INTS2: variants seen among roughly 807,000 people sequenced by gnomAD.
INTS2 encodes KIAA1287.
In INTS2, 57 loss-of-function variants were observed where a neutral mutation model predicts 139.6. That is an observed-to-expected ratio of 0.41 (90% CI 0.33 to 0.51). The LOEUF is 0.51. INTS2 is among the 20% of genes least tolerant of loss of function. The probability of loss-of-function intolerance (pLI) is 0.28; values close to 1 mark genes in which losing one functional copy is unlikely to be tolerated. For synonymous variants in INTS2, 473 were observed against 493.4 expected (o/e 0.96, Z 0.55); for missense variants, 1,196 against 1,436.7 (o/e 0.83, Z 2.71).
In INTS2 at chr17:61,926,449, G is replaced by A. The variant is rs1327260889; in HGVS notation, c.196C>T (p.Leu66Phe). 5 of 1,613,992 alleles carry A rather than the reference G, an allele frequency of 3.1e-6. No homozygotes were observed. Among genetic ancestry groups the A allele is most frequent in the Non-Finnish European group, 3.4e-6 (4 of 1,179,860 alleles). ...TTGACAGCTTCCACTCCAGAAAGAA[G>A]GCGAAGGATGAGTTTCTTATCCTGA... is the stretch of plus-strand genomic sequence containing the variant. ...WAQDKKLILR[L>F]LSGVEAVNSI... Residue 66 changes from leucine to phenylalanine, a missense_variant, in exon 2 of 25, where the codon CTT becomes TTT. Coordinates refer to ENST00000251334, the MANE Select transcript of INTS2 (RefSeq NM_001351695.2).
In INTS2 at chr17:61,921,821, C is replaced by G; in HGVS notation, c.439G>C (p.Glu147Gln). The change falls in exon 4 of 25, where the codon GAG becomes CAG. Residue 147 changes from glutamate to glutamine, a missense_variant. Physicochemically the swap from Glu to Gln is conservative, Grantham distance 29. This residue lies in a region of INTS2 where 1,129 missense variants were observed against 1,341.9 expected (regional missense o/e 0.84). Coordinates refer to ENST00000251334, the MANE Select transcript of INTS2 (RefSeq NM_001351695.2). ...TTGAAAAAAAATTCTCCGTTGGACT[C>G]AGACACCTTAAAAAAGAAAAAAAAA... ...ELLAIMNKVS[E>Q]SNGEFFFKSS... The G allele has an allele frequency of 6.5e-7, 1 of 1,546,618 alleles. No homozygotes were observed.
intron 15 of INTS2, among the ~76,000 whole-genome samples, chr17:61,888,233 G>C (rs1200755041): frequency 1.3e-5 from 2 of 151,878 alleles, no homozygotes; most frequent in African/African-American, 4.8e-5. Flanking sequence ...AGCCAGGCAT[G>C]GTGGTGTCCA....
At chr17:61,884,555 AT>A (rs956366893) in intron 16 of INTS2, among the ~76,000 whole-genome samples, 103 of 148,940 alleles carry the variant, frequency 6.9e-4, no homozygotes, top group Admixed American at 1.7e-3. Flanking sequence ...AGTTAAAAAA[AT>A]TTTTTTTTTT....
rs553179349 is a variant in INTS2, at chr17:61,873,423, G to A, written c.2583-963C>T. 2.6e-5 allele frequency among the ~76,000 whole-genome samples: 4 copies of A among 152,180 alleles called. No individual in the cohort carries two copies. Among genetic ancestry groups the A allele is most frequent in the African/African-American group, 7.2e-5 (3 of 41,536 alleles). ...AAAAAAGGTTCACAAGTTGTTAAGTGAAAAATCCGAGCTACAAAAACATTA... is the reference window on the plus strand; with the variant it reads ...AAAAAAGGTTCACAAGTTGTTAAGTAAAAAATCCGAGCTACAAAAACATTA... On this transcript the variant is annotated intron_variant, in intron 19 of 24. Transcript: ENST00000251334. The surrounding 1 kb of genome is among the most constrained non-coding windows in gnomAD (Gnocchi z 4.0).
At chr17:61,894,847 A>C (rs1198936244) in intron 12 of INTS2, among the ~76,000 whole-genome samples, 2 of 152,154 alleles carry the variant, frequency 1.3e-5, no homozygotes, top group Non-Finnish European at 2.9e-5. Flanking sequence ...GATAAAAAAA[A>C]AAAAGAAATG....
Position 61,872,818 on chromosome 17 carries a change from A to G in INTS2, c.2583-358T>C, listed in dbSNP as rs2145902298. On this transcript the variant is annotated intron_variant, in intron 19 of 24. Transcript: ENST00000251334. The surrounding 1 kb of genome is among the most constrained non-coding windows in gnomAD (Gnocchi z 4.8). ...TAGATAAAGAGCTCTTTAAGTCAAT[A>G]AAAAATATAGGCTAAAATATAAAGA... Among the ~76,000 whole-genome samples the G allele has an allele frequency of 6.6e-6, 1 of 152,328 alleles. No individual in the cohort carries two copies. The highest frequency in any genetic ancestry group is 2.1e-4 in the South Asian group (1 of 4,826).
rs971887552 is a variant in INTS2 at position 61,872,050 on chromosome 17, A to T, written c.2778+215T>A. On this transcript the variant is annotated intron_variant, in intron 20 of 24. Coordinates refer to ENST00000251334, the MANE Select transcript of INTS2 (RefSeq NM_001351695.2). The surrounding 1 kb of genome is among the most constrained non-coding windows in gnomAD (Gnocchi z 4.8). ...TAAATCTTATTTAAATGGCTATTTCATTCATATCATGAAGATTATTCCTGA... is the reference window on the plus strand; with the variant it reads ...TAAATCTTATTTAAATGGCTATTTCTTTCATATCATGAAGATTATTCCTGA... 2.5e-5 allele frequency: 10 copies of T among 393,994 alleles called. No homozygotes were observed. The highest frequency in any genetic ancestry group is 4.5e-5 in the Non-Finnish European group (10 of 222,936). The allele number at this position is 393,994 out of a possible 1,614,324, so 24.4% of individuals were successfully genotyped here. A position where few individuals can be genotyped will look rare whatever the true frequency, so the allele number is the denominator to read the frequency against.
intron 16 of INTS2, among the ~76,000 whole-genome samples, 192 bp from the exon 17 acceptor site, chr17:61,881,363 G>A (rs1000343646): frequency 6.6e-6 from 1 of 152,104 alleles, no homozygotes; most frequent in Non-Finnish European, 1.5e-5. Flanking sequence ...TTGGGAAGCC[G>A]AGGCGGGTGG....
chr17:61,917,787 G>A lies in INTS2; in HGVS notation c.649+1613C>T, dbSNP rs547194899. Among the ~76,000 whole-genome samples, 7 of 151,516 alleles carry A rather than the reference G, an allele frequency of 4.6e-5. No homozygotes were observed. The South Asian group carries it at 1.2e-3, about 27-fold the overall frequency. On this transcript the variant is annotated intron_variant, in intron 5 of 24. Coordinates refer to ENST00000251334, the MANE Select transcript of INTS2 (RefSeq NM_001351695.2). The stretch of plus-strand genomic sequence containing the variant: ...CCCCCTGAATCTAAAATAAAACTTC[G>A]AATTTTTTTAAAAAGAAAAATTAAA...
At chr17:61,912,214 A>C in intron 5 of INTS2, 144 bp from the exon 6 acceptor site, 2 of 782,954 alleles carry the variant, frequency 2.6e-6, no homozygotes, top group South Asian at 3.5e-5. Flanking sequence ...AAGAGACTTA[A>C]AAAAGAATAG....
At position 61,867,549 on chromosome 17, in the gene INTS2, A is replaced by G; in HGVS notation, c.*8T>C. On this transcript the variant is annotated 3_prime_UTR_variant, in exon 25 of 25. Coordinates refer to ENST00000251334, the MANE Select transcript of INTS2 (RefSeq NM_001351695.2). The surrounding 1 kb of genome is among the most constrained non-coding windows in gnomAD (Gnocchi z 5.6). ...AGCAAACAACTTTTTGTTGTTTTAAATTTTGTTTTAAATTCCACTAACACT... is the reference window on the plus strand; with the variant it reads ...AGCAAACAACTTTTTGTTGTTTTAAGTTTTGTTTTAAATTCCACTAACACT... 6.3e-7 allele frequency: 1 copy of G among 1,576,140 alleles called. No homozygotes were observed. The highest frequency in any genetic ancestry group is 1.4e-5 in the African/African-American group (1 of 73,352).
At position 61,927,794 on chromosome 17, in the gene INTS2, C is replaced by T. The variant is rs976350785; in HGVS notation, c.-159G>A. ...CCCAAACCCTAGTTGTGCCTCGAGT[C>T]GACTCGGACACCAAGAACTCAGACG... On this transcript the variant is annotated 5_prime_UTR_variant, in exon 1 of 25. Transcript: ENST00000251334. 48 of 1,600,702 alleles carry T rather than the reference C, an allele frequency of 3.0e-5. No homozygotes were observed. The highest frequency in any genetic ancestry group is 4.0e-5 in the Non-Finnish European group (47 of 1,172,998).
intron 4 of INTS2, among the ~76,000 whole-genome samples, chr17:61,920,784 C>G (rs1318711681): frequency 6.6e-6 from 1 of 151,898 alleles, no homozygotes; most frequent in African/African-American, 2.4e-5. Flanking sequence ...GCCTGGGTGA[C>G]AGAGTGAGAC....
chr17:61,926,235 T>C, intron 2 of INTS2, 117 bp downstream of exon 2: 1 of 806,916 alleles, frequency 1.2e-6, no homozygotes, highest in Non-Finnish European at 2.0e-6. Flanking sequence ...AAGACCTAAG[T>C]AAAATGCTCT....
rs759570437 is a variant in INTS2 at position 61,912,573 on chromosome 17, G to A, written c.650-503C>T. Among the ~76,000 whole-genome samples the A allele has an allele frequency of 2.4e-4, 37 of 152,092 alleles. 1 individual carries two copies. The highest frequency in any genetic ancestry group is 4.0e-4 in the Non-Finnish European group (27 of 68,002). On this transcript the variant is annotated intron_variant, in intron 5 of 24. Coordinates refer to ENST00000251334, the MANE Select transcript of INTS2 (RefSeq NM_001351695.2). ...GGAGGTGGAGGTTGCAGTGAGCCAA[G>A]ATCGCATCATTACACTCCAGCCTGG...
Position 61,897,581 on chromosome 17 carries a change from G to A in INTS2, c.1382C>T (p.Thr461Ile), listed in dbSNP as rs534462998. ...MIKEEAYFES[T>I]SGVSASFGEM... ...CCCAAAAGAAGCAGAGACGCCTGAA[G>A]TACTGTCAAAACAAAATAGGAAATA... The change falls in exon 11 of 25, where the codon ACT (threonine) becomes ATT (isoleucine). Residue 461 changes from threonine to isoleucine, a missense_variant and splice_region_variant. Thr to Ile is a moderately conservative substitution (Grantham distance 89, BLOSUM62 -1). Coordinates refer to ENST00000251334, the MANE Select transcript of INTS2 (RefSeq NM_001351695.2). The surrounding 1 kb of genome is among the most constrained non-coding windows in gnomAD (Gnocchi z 4.4). 2.5e-6 allele frequency: 4 copies of A among 1,597,884 alleles called. No homozygotes were observed. The highest frequency in any genetic ancestry group is 1.7e-5 in the Admixed American group (1 of 57,456).
chr17:61,913,351 A>C (rs2079547025), intron 5 of INTS2, among the ~76,000 whole-genome samples: 1 of 151,982 alleles, frequency 6.6e-6, no homozygotes, highest in South Asian at 2.1e-4. Context: ...CCAAAAAAAA[A>C]ACAAAAAAAA....
chr17:61,884,364 A>C (rs2079205965), intron 16 of INTS2, among the ~76,000 whole-genome samples: 1 of 152,008 alleles, frequency 6.6e-6, no homozygotes, highest in South Asian at 2.1e-4. Flanking sequence ...GGTGGCGCAC[A>C]TGCCTGTAAT....
chr17:61,916,917 A>G (rs768450471), intron 5 of INTS2, among the ~76,000 whole-genome samples: 14 of 152,224 alleles, frequency 9.2e-5, no homozygotes, highest in African/African-American at 3.4e-4. Flanking sequence ...TAATGTGCAG[A>G]ATCTATAAGG....
Sources: allele counts gnomAD v4.1 joint callset (sites outside exome capture counted in the v4.1 genomes callset), GRCh38; gene constraint gnomAD v4.1.1; regional missense constraint gnomAD v4.1.1; non-coding constraint Gnocchi (gnomAD v3.1); transcripts MANE v1.5; gene names NCBI Gene and HGNC (gene_info 2026-07-23, HGNC 2026-07-21).